RSPO2: variants seen among roughly 807,000 people sequenced by gnomAD.
RSPO2 encodes R-spondin-2.
A neutral mutation model predicts 30.9 loss-of-function variants in RSPO2; 14 were observed. That is an observed-to-expected ratio of 0.45 (90% CI 0.30 to 0.71). RSPO2 has a LOEUF of 0.71. Among genes scored for constraint, RSPO2 ranks in the 30% least tolerant of loss-of-function variants. The pLI, the probability that RSPO2 is intolerant of heterozygous loss-of-function variation, is 0.08. For synonymous variants in RSPO2, 107 were observed against 96.4 expected (o/e 1.11, Z -0.64); for missense variants, 264 against 301.9 (o/e 0.87, Z 0.93).
chr8:108,016,810 ACT>A, intron 2 of RSPO2, among the ~76,000 whole-genome samples: 1 of 151,254 alleles, frequency 6.6e-6, no homozygotes, highest in South Asian at 2.1e-4. Flanking sequence ...CCTCTTCCCA[ACT>A]CTCTCTCGCG....
At chr8:107,932,328 C>T (rs762792896) in intron 5 of RSPO2, among the ~76,000 whole-genome samples, 1 of 151,850 alleles carries the variant, frequency 6.6e-6, no homozygotes, top group Non-Finnish European at 1.5e-5. Flanking sequence ...GGAGGAGTTT[C>T]GGGTGACTTC....
At chr8:107,964,814 C>T (rs1355773595) in intron 3 of RSPO2, among the ~76,000 whole-genome samples, 2 of 152,134 alleles carry the variant, frequency 1.3e-5, no homozygotes, top group Admixed American at 1.3e-4. Context: ...TTCATATCAA[C>T]TCTATTAACT....
chr8:107,933,816 T>C (rs1242522418), intron 5 of RSPO2, among the ~76,000 whole-genome samples: 1 of 152,218 alleles, frequency 6.6e-6, no homozygotes, highest in Non-Finnish European at 1.5e-5. Flanking sequence ...GACCTTGTAC[T>C]TGGACCCAAT....
intron 3 of RSPO2, chr8:107,983,483 C>T (rs1814520083): frequency 1.3e-6 from 2 of 1,597,682 alleles, no homozygotes; most frequent in Non-Finnish European, 1.7e-6. Context: ...AGCCCTTCCA[C>T]AGAGAAATGT....
chr8:108,020,722 C>T (rs957110641), intron 2 of RSPO2, among the ~76,000 whole-genome samples: 7 of 152,180 alleles, frequency 4.6e-5, no homozygotes, highest in Admixed American at 1.3e-4. Context: ...TATACAATTC[C>T]CTAACCTATA....
At chr8:108,077,178 T>C (rs1447776548) in intron 2 of RSPO2, among the ~76,000 whole-genome samples, 1 of 152,188 alleles carries the variant, frequency 6.6e-6, no homozygotes, top group Admixed American at 6.5e-5. Flanking sequence ...TTAATTTCTT[T>C]AAAGAAAAGA....
At chr8:108,021,776 G>C (rs1811065876) in intron 2 of RSPO2, among the ~76,000 whole-genome samples, 1 of 151,976 alleles carries the variant, frequency 6.6e-6, no homozygotes, top group Admixed American at 6.6e-5. Flanking sequence ...GTCGGGGGCA[G>C]GGGTTGGGGA....
At chr8:108,003,303 ATATATATATTTTTT>A (rs1815332186) in intron 2 of RSPO2, among the ~76,000 whole-genome samples, 3 of 27,208 alleles carry the variant, frequency 1.1e-4, no homozygotes, top group African/African-American at 3.4e-4. Context: ...ATATATATAT[ATATATATATTTTTT>A]TTTTTTTTTT....
In RSPO2 at chr8:108,026,769, G is replaced by A. The variant is rs1474709594; in HGVS notation, c.95-37525C>T. On this transcript the variant is annotated intron_variant, in intron 2 of 5. Transcript: ENST00000276659. ...TAGTCCCAGCTACTTGGGAGACTGA[G>A]GCAGGAGAATCGCTTGAACCCGGGA... Among the ~76,000 whole-genome samples, 4 of 152,188 alleles carry A rather than the reference G, an allele frequency of 2.6e-5. No homozygotes were observed. The East Asian group carries it at 7.7e-4, about 29-fold the overall frequency.
chr8:108,050,489 AT>A (rs1011974994), intron 2 of RSPO2, among the ~76,000 whole-genome samples: 1 of 152,128 alleles, frequency 6.6e-6, no homozygotes, highest in Admixed American at 6.6e-5. Context: ...AAATATATTA[AT>A]TTTTTTATTC....
chr8:107,908,180 G>C (rs538658601), intron 5 of RSPO2, among the ~76,000 whole-genome samples: 3 of 152,172 alleles, frequency 2.0e-5, no homozygotes, highest in East Asian at 1.9e-4. Context: ...TCTGTTCTTC[G>C]AGTGTATGAC....
intron 2 of RSPO2, among the ~76,000 whole-genome samples, chr8:108,061,609 A>G (rs1812467518): frequency 6.6e-6 from 1 of 151,888 alleles, no homozygotes; most frequent in Admixed American, 6.5e-5. Flanking sequence ...CCCCACTGTC[A>G]ACATTAGACA....
chr8:108,071,082 C>G (rs939325265), intron 2 of RSPO2, among the ~76,000 whole-genome samples: 1 of 152,106 alleles, frequency 6.6e-6, no homozygotes, highest in Non-Finnish European at 1.5e-5. Context: ...GCTTGCCAAG[C>G]CTCCTGAACA....
intron 2 of RSPO2, among the ~76,000 whole-genome samples, chr8:107,998,367 C>T (rs1411212328): frequency 6.6e-6 from 1 of 152,122 alleles, no homozygotes; most frequent in Non-Finnish European, 1.5e-5. Flanking sequence ...ATCATGTATA[C>T]TACCAAGCTC....
chr8:107,939,676 T>C (rs1215399704), intron 5 of RSPO2, among the ~76,000 whole-genome samples: 1 of 151,996 alleles, frequency 6.6e-6, no homozygotes, highest in African/African-American at 2.4e-5. Flanking sequence ...TCAACTTGTA[T>C]AGAACCACAG....
At chr8:107,923,829 T>C (rs1222036871) in intron 5 of RSPO2, among the ~76,000 whole-genome samples, 1 of 152,002 alleles carries the variant, frequency 6.6e-6, no homozygotes, top group Admixed American at 6.6e-5. Flanking sequence ...TCCTTACCAA[T>C]CTCAGCAGGA....
chr8:108,035,356 T>C (rs1324648297), intron 2 of RSPO2, among the ~76,000 whole-genome samples: 8 of 152,242 alleles, frequency 5.3e-5, no homozygotes, highest in African/African-American at 1.9e-4. Context: ...TATGAATTCA[T>C]AGTAACACAG....
At chr8:107,962,652 T>C (rs1410644833) in intron 3 of RSPO2, among the ~76,000 whole-genome samples, 1 of 152,272 alleles carries the variant, frequency 6.6e-6, no homozygotes, top group East Asian at 1.9e-4. Context: ...TCAAACTACA[T>C]GACCATTATG....
intron 5 of RSPO2, among the ~76,000 whole-genome samples, chr8:107,922,759 G>A (rs1252918538): frequency 1.3e-5 from 2 of 151,746 alleles, no homozygotes; most frequent in Non-Finnish European, 2.9e-5. Flanking sequence ...ATGGAAAAAT[G>A]GAACAGAGAG....
Sources: gnomAD v4.1 joint callset for allele counts (sites outside exome capture counted in the v4.1 genomes callset) on GRCh38, gnomAD v4.1.1 for gene constraint, MANE v1.5 for transcripts, NCBI Gene and HGNC (gene_info 2026-07-23, HGNC 2026-07-21) for gene names.